The following BIRC6 variants were observed in gnomAD, a reference collection of about 807,000 sequenced individuals.
BIRC6 encodes baculoviral IAP repeat containing 6, also known as dual E2 ubiquitin-conjugating enzyme/E3 ubiquitin-protein ligase BIRC6.
A neutral mutation model predicts 503.3 loss-of-function variants in BIRC6; 98 were observed. That is an observed-to-expected ratio of 0.19 (90% confidence interval 0.17 to 0.23). The LOEUF is 0.23. BIRC6 is among the 10% of genes least tolerant of loss of function. The probability of loss-of-function intolerance (pLI) is 1.00; values close to 1 mark genes in which losing one functional copy is unlikely to be tolerated. For synonymous variants in BIRC6, 2,240 were observed against 2,078.7 expected (o/e 1.08, Z -2.11); for missense variants, 5,360 against 5,806.0 (o/e 0.92, Z 2.50).
intron 60 of BIRC6, 35 bp downstream of exon 60, chr2:32,529,859 T>C (rs1449228244): frequency 1.4e-6 from 2 of 1,381,072 alleles, no homozygotes; most frequent in East Asian, 2.7e-5. Context: ...AATTACAGAC[T>C]GTCATACAAA....
intron 26 of BIRC6, among the ~76,000 whole-genome samples, chr2:32,467,031 A>G (rs535652628): frequency 3.7e-4 from 56 of 151,980 alleles, no homozygotes; most frequent in African/African-American, 1.3e-3. Flanking sequence ...AGGCAGGAGA[A>G]AGGCGTGAAC....
chr2:32,481,321 T>G lies in BIRC6; in HGVS notation c.7410T>G (p.Gly2470=). The change falls in exon 38 of 74, where the codon GGT becomes GGG. Residue 2470 remains glycine (G), a splice_region_variant and synonymous_variant. Transcript: ENST00000421745. ...IDEPLTHDIT[G]APPLSSLEKD... The stretch of plus-strand genomic sequence containing the variant: ...AAGATCACTTTTAATTATTTGAAGG[T>G]GCACCTCCTCTGTCCTCTTTGGAAA... The G allele has an allele frequency of 2.5e-6, 4 of 1,590,778 alleles. No homozygotes were observed. The highest frequency in any genetic ancestry group is 3.4e-6 in the Non-Finnish European group (4 of 1,168,284).
intron 61 of BIRC6, chr2:32,532,134 CGTGTGT>C (rs138437601): frequency 3.5e-4 from 158 of 449,818 alleles, no homozygotes; most frequent in East Asian, 1.0e-3. Flanking sequence ...GATTTCATGT[CGTGTGT>C]GTGTGTGTGT....
intron 1 of BIRC6, among the ~76,000 whole-genome samples, chr2:32,363,643 C>T (rs1045315535): frequency 2.6e-5 from 4 of 152,040 alleles, no homozygotes; most frequent in Admixed American, 6.6e-5. Flanking sequence ...AGAGAGCATG[C>T]GCTTTATGTT....
intron 57 of BIRC6, among the ~76,000 whole-genome samples, chr2:32,520,222 A>G (rs1469876508): frequency 1.3e-5 from 2 of 152,252 alleles, no homozygotes; most frequent in African/African-American, 2.4e-5. Flanking sequence ...GTTACCACAC[A>G]TAGATGGTAA....
In BIRC6 at chr2:32,479,445, T is replaced by C; in HGVS notation, c.7253-17T>C. ...TCTGTATAAATTATTAAAACAGGAC[T>C]ATCCCCTTACATACAGGAGAATTAC... On this transcript the variant is annotated splice_polypyrimidine_tract_variant and intron_variant, in intron 36 of 73. Transcript: ENST00000421745. 3 of 1,583,434 alleles carry C rather than the reference T, an allele frequency of 1.9e-6. No individual in the cohort carries two copies. Among genetic ancestry groups the C allele is most frequent in the Middle Eastern group, 1.7e-4 (1 of 6,022 alleles).
intron 10 of BIRC6, among the ~76,000 whole-genome samples, chr2:32,421,112 CTTTT>C (rs779700746): frequency 3.8e-5 from 5 of 132,292 alleles, no homozygotes; most frequent in Middle Eastern, 3.4e-3. Context: ...TTCTTTCTTT[CTTTT>C]TTTTTTTTTT....
intron 65 of BIRC6, among the ~76,000 whole-genome samples, chr2:32,559,520 G>GA (rs775734106): frequency 2.0e-5 from 3 of 152,156 alleles, no homozygotes; most frequent in African/African-American, 4.8e-5. Flanking sequence ...ATTCAAGATT[G>GA]AAGTAGTTTT....
At chr2:32,412,410 T>A (rs2041981818) in intron 9 of BIRC6, among the ~76,000 whole-genome samples, 1 of 151,782 alleles carries the variant, frequency 6.6e-6, no homozygotes, top group Non-Finnish European at 1.5e-5. Flanking sequence ...GGCAGGAGAA[T>A]CCCTTGAACC....
chr2:32,461,048 TTC>T (rs2047875764), intron 23 of BIRC6, among the ~76,000 whole-genome samples: 2 of 61,346 alleles, frequency 3.3e-5, no homozygotes, highest in African/African-American at 9.9e-5. Flanking sequence ...TTCTCTTCTC[TTC>T]TCTTCTCTTC....
chr2:32,617,598 T>TA, intron 73 of BIRC6, 127 bp from the exon 74 acceptor site: 1 of 976,226 alleles, frequency 1.0e-6, no homozygotes, highest in Non-Finnish European at 1.5e-6. Context: ...GTAGCTTGCA[T>TA]AAGGAGGGGC....
chr2:32,476,612 G>A (rs1302854261), intron 34 of BIRC6, among the ~76,000 whole-genome samples: 1 of 152,054 alleles, frequency 6.6e-6, no homozygotes, highest in African/African-American at 2.4e-5. Context: ...TTGCTAATGT[G>A]GCATTGATAG....
chr2:32,483,855 C>G (rs1441194218), intron 39 of BIRC6, among the ~76,000 whole-genome samples: 1 of 152,200 alleles, frequency 6.6e-6, no homozygotes, highest in East Asian at 1.9e-4. Flanking sequence ...TTTGATCTCT[C>G]TCATTATTGG....
chr2:32,558,412 A>T (rs2058933798), intron 65 of BIRC6, among the ~76,000 whole-genome samples: 1 of 152,180 alleles, frequency 6.6e-6, no homozygotes, highest in South Asian at 2.1e-4. Context: ...AGTTGAGCAG[A>T]ATAGGGATTT....
At chr2:32,508,388 CT>C in intron 51 of BIRC6, 129 bp downstream of exon 51, 2 of 1,187,020 alleles carry the variant, frequency 1.7e-6, no homozygotes, top group South Asian at 3.5e-5. Context: ...CCATAGGTAT[CT>C]GTATAATACA....
At position 32,357,047 on chromosome 2, in the gene BIRC6, C is replaced by G. The variant is rs916689025; in HGVS notation, c.-115C>G. 2 of 933,458 alleles carry G rather than the reference C, an allele frequency of 2.1e-6. No homozygotes were observed. The highest frequency in any genetic ancestry group is 1.5e-6 in the Non-Finnish European group (1 of 668,284). 57.8% of individuals were successfully genotyped at this position (933,458 alleles called of 1,614,324 possible). A position where few individuals can be genotyped will look rare whatever the true frequency, so the allele number is the denominator to read the frequency against. Reference sequence around the variant, plus strand: ...CCTCCCTCCCTGCTTCTCCCCCTCTCCCGTCAGCCTCCCTCCGAGTTTGGC... The same window carrying G: ...CCTCCCTCCCTGCTTCTCCCCCTCTGCCGTCAGCCTCCCTCCGAGTTTGGC... On this transcript the variant is annotated 5_prime_UTR_variant, in exon 1 of 74. Coordinates refer to ENST00000421745, the MANE Select transcript of BIRC6 (RefSeq NM_016252.4). The surrounding 1 kb of genome is among the most constrained non-coding windows in gnomAD (Gnocchi z 4.9).
intron 66 of BIRC6, among the ~76,000 whole-genome samples, chr2:32,589,297 A>T (rs1431754642): frequency 6.6e-6 from 1 of 152,158 alleles, no homozygotes; most frequent in Non-Finnish European, 1.5e-5. Flanking sequence ...GCTATCTCAA[A>T]GTTTCTTCCT....
chr2:32,484,126 C>T (rs1411858600), intron 39 of BIRC6, among the ~76,000 whole-genome samples: 1 of 152,166 alleles, frequency 6.6e-6, no homozygotes, highest in Admixed American at 6.6e-5. Context: ...GTCCGCCCTC[C>T]TCAGCCTTCC....
intron 42 of BIRC6, 31 bp downstream of exon 42, chr2:32,488,745 T>C: frequency 7.6e-7 from 1 of 1,313,272 alleles, no homozygotes; most frequent in Non-Finnish European, 1.0e-6. Context: ...AACATTATAG[T>C]CTAAATAGCA....
Sources: gnomAD v4.1 joint callset for allele counts (sites outside exome capture counted in the v4.1 genomes callset) on GRCh38, gnomAD v4.1.1 for gene constraint, Gnocchi (gnomAD v3.1) non-coding constraint, MANE v1.5 for transcripts, NCBI Gene and HGNC (gene_info 2026-07-23, HGNC 2026-07-21) for gene names.